The following ST18 variants were observed in gnomAD, a reference collection of about 807,000 sequenced individuals.
ST18 encodes the protein suppression of tumorigenicity 18 protein.
Under a neutral mutation model 110.0 loss-of-function variants are expected in ST18, and 50 were observed. The observed-to-expected ratio is 0.45, with a 90% CI of 0.36 to 0.58. The LOEUF (loss-of-function observed/expected upper bound fraction) is 0.58, where lower values mean the gene tolerates loss of function less well. ST18 is among the 20% of genes least tolerant of loss of function. ST18 has a pLI of 0.00. For missense variants in ST18, 1,306 were observed against 1,280.1 expected (o/e 1.02, Z -0.31); for synonymous variants, 461 against 452.4 (o/e 1.02, Z -0.24).
At chr8:52,201,614 CA>C (rs11296221) in intron 8 of ST18, among the ~76,000 whole-genome samples, 43,285 of 151,874 alleles carry the variant, frequency 0.29, 8,824 homozygotes, top group African/African-American at 0.58. Context: ...AAACAAAAAA[CA>C]AAAAAACAAA....
At chr8:52,360,663 A>T (rs898043917) in intron 2 of ST18, among the ~76,000 whole-genome samples, 4 of 152,196 alleles carry the variant, frequency 2.6e-5, no homozygotes, top group Non-Finnish European at 4.4e-5. Flanking sequence ...GCTAAACCCA[A>T]ACAGGTGTTG....
chr8:52,254,051 G>C (rs183817537), intron 2 of ST18, among the ~76,000 whole-genome samples: 2 of 151,870 alleles, frequency 1.3e-5, no homozygotes, highest in East Asian at 3.9e-4. Context: ...CATCACAACA[G>C]ACATCAGAAA....
At chr8:52,212,359 G>C (rs2082493995) in intron 7 of ST18, among the ~76,000 whole-genome samples, 1 of 152,134 alleles carries the variant, frequency 6.6e-6, no homozygotes, top group South Asian at 2.1e-4. Context: ...CCAGGTACCT[G>C]TCCTTAGAGA....
intron 2 of ST18, among the ~76,000 whole-genome samples, chr8:52,259,008 G>A (rs2094603835): frequency 6.6e-6 from 1 of 152,138 alleles, no homozygotes; most frequent in African/African-American, 2.4e-5. Context: ...ACCTGTCATG[G>A]TGCTGGCCAG....
chr8:52,134,914 T>C (rs535269565), intron 19 of ST18, among the ~76,000 whole-genome samples: 5 of 152,268 alleles, frequency 3.3e-5, no homozygotes, highest in South Asian at 2.1e-4. Flanking sequence ...TTTTCTTGTA[T>C]GGAAAAAACA....
intron 2 of ST18, among the ~76,000 whole-genome samples, chr8:52,333,349 C>T (rs776662641): frequency 6.6e-6 from 1 of 151,352 alleles, no homozygotes; most frequent in Non-Finnish European, 1.5e-5. Context: ...TGAGAGAACA[C>T]CACTGAGAAT....
chr8:52,350,540 C>A (rs79140873), intron 2 of ST18, among the ~76,000 whole-genome samples: 2,899 of 152,238 alleles, frequency 0.019, 53 homozygotes, highest in Non-Finnish European at 0.028. Context: ...ACAGCAGCAA[C>A]TGCAAACCAA....
intron 2 of ST18, among the ~76,000 whole-genome samples, chr8:52,324,401 C>A (rs1292056931): frequency 2.0e-5 from 3 of 151,924 alleles, no homozygotes; most frequent in Non-Finnish European, 2.9e-5. Flanking sequence ...AAGTGTGTAG[C>A]ATGGGTCATA....
At chr8:52,319,355 G>C (rs1271415361) in intron 2 of ST18, among the ~76,000 whole-genome samples, 1 of 151,878 alleles carries the variant, frequency 6.6e-6, no homozygotes, top group Non-Finnish European at 1.5e-5. Context: ...TTGTCTACTA[G>C]ATCTGTTGTT....
intron 13 of ST18, among the ~76,000 whole-genome samples, chr8:52,162,918 C>T (rs1383305195): frequency 6.6e-6 from 1 of 152,060 alleles, no homozygotes; most frequent in African/African-American, 2.4e-5. Context: ...TTTTTAGCTG[C>T]TATATAAAAA....
chr8:52,385,720 G>GAA (rs112719770), intron 2 of ST18, among the ~76,000 whole-genome samples: 1 of 108,952 alleles, frequency 9.2e-6, no homozygotes, highest in African/African-American at 3.2e-5. Context: ...AAACAAATTA[G>GAA]AAAAAAAAAA....
chr8:52,154,187 C>CT (rs1264949208), intron 15 of ST18, among the ~76,000 whole-genome samples: 2 of 152,218 alleles, frequency 1.3e-5, no homozygotes, highest in Non-Finnish European at 2.9e-5. Flanking sequence ...CAAATCTGCC[C>CT]TGCTCTTAAA....
In ST18 at chr8:52,331,906, G is replaced by C. The variant is rs148544248; in HGVS notation, c.-465+77422C>G. ...TGGGGTTTTGGAGGAGAGAATGAAG[G>C]ACTCCTCTTCTCACATTCTGCCATC... On this transcript the variant is annotated intron_variant, in intron 2 of 25. Coordinates refer to ENST00000689386, the MANE Select transcript of ST18 (RefSeq NM_001352837.2). Among the ~76,000 whole-genome samples, 453 of 152,160 alleles carry C rather than the reference G, an allele frequency of 3.0e-3. 1 individual carries two copies. The highest frequency in any genetic ancestry group is 4.5e-3 in the Non-Finnish European group (305 of 68,010).
rs1049237911 is a variant in ST18 at position 52,180,262 on chromosome 8, G to T, written c.137C>A (p.Ala46Asp). 1.1e-5 allele frequency: 17 copies of T among 1,614,048 alleles called. No homozygotes were observed. Among genetic ancestry groups the T allele is most frequent in the Non-Finnish European group, 1.4e-5 (17 of 1,180,046 alleles). Residue 46 changes from alanine to aspartate, a missense_variant, in exon 9 of 26, where the codon GCT (alanine) becomes GAT (aspartate). By Grantham distance (126) the Ala-to-Asp change is moderately radical. Transcript: ENST00000689386. ...CCTTTTGTTGACTGGAACCCCCAAA[G>T]CCTGATCTTCAGCTGTTCTCTTCTT... ...MAKKRTAEDQ[A>D]LGVPVNKRKS...
At chr8:52,257,175 G>T (rs1231048354) in intron 2 of ST18, among the ~76,000 whole-genome samples, 1 of 152,008 alleles carries the variant, frequency 6.6e-6, no homozygotes, top group Non-Finnish European at 1.5e-5. Context: ...TCTATTGTTT[G>T]GATATACCAT....
chr8:52,147,438 G>C (rs987034418), intron 16 of ST18, among the ~76,000 whole-genome samples: 1 of 151,882 alleles, frequency 6.6e-6, no homozygotes, highest in African/African-American at 2.4e-5. Context: ...CCTTGCTGAG[G>C]GCACAAAAGT....
chr8:52,323,707 A>G (rs1334276342), intron 2 of ST18, among the ~76,000 whole-genome samples: 1 of 152,156 alleles, frequency 6.6e-6, no homozygotes, highest in Non-Finnish European at 1.5e-5. Context: ...TTCTAGATTA[A>G]TCCATAGCTC....
chr8:52,137,313 C>T, intron 18 of ST18, 108 bp downstream of exon 18: 4 of 1,160,618 alleles, frequency 3.4e-6, no homozygotes, highest in Non-Finnish European at 1.2e-6. Context: ...AAAAACCCAA[C>T]CAACTCATTT....
chr8:52,233,041 T>C (rs1445261936), intron 2 of ST18, among the ~76,000 whole-genome samples: 1 of 152,188 alleles, frequency 6.6e-6, no homozygotes, highest in Admixed American at 6.5e-5. Flanking sequence ...CAGATATTTA[T>C]TTTAAAAAGC....
Sources: allele counts gnomAD v4.1 joint callset (sites outside exome capture counted in the v4.1 genomes callset), GRCh38; gene constraint gnomAD v4.1.1; transcripts MANE v1.5; gene names NCBI Gene and HGNC (gene_info 2026-07-23, HGNC 2026-07-21).